NRDC: variants seen among roughly 807,000 people sequenced by gnomAD.
NRDC encodes the protein nardilysin.
Under a neutral mutation model 147.1 loss-of-function variants are expected in NRDC, and 54 were observed. The observed-to-expected ratio is 0.37, with a 90% CI of 0.29 to 0.46. The LOEUF (loss-of-function observed/expected upper bound fraction) is 0.46. Among genes scored for constraint, NRDC ranks in the 20% least tolerant of loss-of-function variants. NRDC has a pLI of 1.00. For synonymous variants in NRDC, 440 were observed against 482.1 expected (o/e 0.91, Z 1.14); for missense variants, 1,082 against 1,370.6 (o/e 0.79, Z 3.33).
chr1:51,870,649 G>T (rs770291197), intron 1 of NRDC, among the ~76,000 whole-genome samples: 3 of 151,952 alleles, frequency 2.0e-5, no homozygotes, highest in Non-Finnish European at 4.4e-5. Context: ...ATCCATACTC[G>T]TTACTTCCTT....
intron 1 of NRDC, among the ~76,000 whole-genome samples, chr1:51,847,854 C>G (rs894123135): frequency 6.6e-6 from 1 of 152,240 alleles, no homozygotes; most frequent in South Asian, 2.1e-4. Context: ...CAAGCACAGC[C>G]AGAGTGGGCA....
At chr1:51,804,250 C>A (rs907822476) in intron 19 of NRDC, among the ~76,000 whole-genome samples, 1 of 152,182 alleles carries the variant, frequency 6.6e-6, no homozygotes, top group African/African-American at 2.4e-5. Flanking sequence ...CAGCACTGGC[C>A]TGAAGGCTCT....
intron 16 of NRDC, among the ~76,000 whole-genome samples, chr1:51,809,686 C>T (rs922240114): frequency 6.6e-6 from 1 of 152,070 alleles, no homozygotes; most frequent in Non-Finnish European, 1.5e-5. Flanking sequence ...CACCTAAGAT[C>T]AGGAGTTCAA....
chr1:51,789,221 G>A lies in NRDC; in HGVS notation c.*15C>T, dbSNP rs897991639. On this transcript the variant is annotated 3_prime_UTR_variant, in exon 31 of 31. Transcript: ENST00000352171. ...AAAATACACATTGCTTCAGGCCAACGTGACTGCAGTTTATTTATTTGACTA... is the reference window on the plus strand; with the variant it reads ...AAAATACACATTGCTTCAGGCCAACATGACTGCAGTTTATTTATTTGACTA... 5.6e-6 allele frequency: 9 copies of A among 1,609,894 alleles called. No individual in the cohort carries two copies. The highest frequency in any genetic ancestry group is 1.7e-4 in the Middle Eastern group (1 of 6,008).
intron 1 of NRDC, among the ~76,000 whole-genome samples, chr1:51,863,653 T>C (rs1298361933): frequency 6.6e-6 from 1 of 152,122 alleles, no homozygotes; most frequent in East Asian, 1.9e-4. Flanking sequence ...CAAAGAAACT[T>C]CCATATTTCA....
At chr1:51,844,808 A>G (rs1571895099) in intron 1 of NRDC, among the ~76,000 whole-genome samples, 1 of 56,304 alleles carries the variant, frequency 1.8e-5, no homozygotes, top group Non-Finnish European at 3.2e-5. Context: ...GGGGGGAGGG[A>G]GGGAGGAAAG....
At chr1:51,818,351 T>C (rs1374122035) in intron 9 of NRDC, among the ~76,000 whole-genome samples, 1 of 152,206 alleles carries the variant, frequency 6.6e-6, no homozygotes, top group Non-Finnish European at 1.5e-5. Flanking sequence ...AAAGCAGGGA[T>C]AAAAGAACTA....
intron 4 of NRDC, among the ~76,000 whole-genome samples, chr1:51,830,688 C>T (rs191937389): frequency 2.0e-5 from 3 of 152,298 alleles, no homozygotes; most frequent in African/African-American, 7.2e-5. Flanking sequence ...TAGAAGTGGA[C>T]ATCCTAAGCT....
chr1:51,798,564 TAACCAAAAAAGTACTGAA>T, intron 21 of NRDC, 153 bp from the exon 22 acceptor site: 1 of 635,260 alleles, frequency 1.6e-6, no homozygotes, highest in Admixed American at 3.2e-5. Flanking sequence ...AGTATCAGAT[TAACCAAAAAAGTACTGAA>T]AACCACATAC....
chr1:51,877,146 C>CCACTGCACTCCAG (rs148377666), intron 1 of NRDC, among the ~76,000 whole-genome samples: 36,966 of 151,520 alleles, frequency 0.24, 5,683 homozygotes, highest in Non-Finnish European at 0.34. Flanking sequence ...CAAGATCGCG[C>CCACTGCACTCCAG]CACTGCACTC....
chr1:51,789,840 C>T (rs1339588483), intron 29 of NRDC, 183 bp from the exon 30 acceptor site: 1 of 594,166 alleles, frequency 1.7e-6, no homozygotes, highest in Non-Finnish European at 3.0e-6. Context: ...CATGCCTTCA[C>T]ATTTTATACC....
Position 51,798,333 on chromosome 1 carries a change from G to A in NRDC, c.2520C>T (p.Ser840=), listed in dbSNP as rs201056194. 2 of 1,614,112 alleles carry A rather than the reference G, an allele frequency of 1.2e-6. No individual in the cohort carries two copies. Among genetic ancestry groups the A allele is most frequent in the Non-Finnish European group, 1.7e-6 (2 of 1,179,980 alleles). ...DKYQALMDGL[S]LESLLSFVKE... ...TGACGAAGCTCAGCAGAGACTCAAG[G>A]GAAAGGCCGTCCATCAAAGCCTGGT... Residue 840 remains serine (S), a synonymous_variant, in exon 22 of 31, where the codon TCC becomes TCT. Transcript: ENST00000352171.
intron 1 of NRDC, among the ~76,000 whole-genome samples, chr1:51,873,765 C>T (rs2124145020): frequency 6.6e-6 from 1 of 151,960 alleles, no homozygotes; most frequent in East Asian, 2.0e-4. Flanking sequence ...CCCACCTCCG[C>T]CTCCCAAAGT....
chr1:51,818,123 C>A lies in NRDC; in HGVS notation c.1304G>T (p.Arg435Ile). Reference sequence around the variant, plus strand: ...TGTGATGGTCAGAGCATGAATTTTTCTGATTGGAACAACTAAACAAAAATA... The same window carrying A: ...TGTGATGGTCAGAGCATGAATTTTTATGATTGGAACAACTAAACAAAAATA... Reference protein sequence around the residue: ...FNKLYRVVPIRKIHALTITWA... With the variant: ...FNKLYRVVPIIKIHALTITWA... Residue 435 changes from arginine (R) to isoleucine (I), a missense_variant, in exon 10 of 31, where the codon AGA becomes ATA. By Grantham distance (97) the Arg-to-Ile change is moderately conservative (BLOSUM62 -3). Coordinates refer to ENST00000352171, the MANE Select transcript of NRDC (RefSeq NM_001101662.2). 1.9e-6 allele frequency: 3 copies of A among 1,602,666 alleles called. No individual in the cohort carries two copies. Among genetic ancestry groups the A allele is most frequent in the Non-Finnish European group, 2.5e-6 (3 of 1,176,600 alleles).
At chr1:51,823,835 A>G in intron 6 of NRDC, 49 bp from the exon 7 acceptor site, 1 of 1,406,816 alleles carries the variant, frequency 7.1e-7, no homozygotes, top group Non-Finnish European at 9.8e-7. Context: ...TAACTTTGTT[A>G]AAAGTCTTCT....
intron 4 of NRDC, among the ~76,000 whole-genome samples, chr1:51,833,440 T>TA (rs34771592): frequency 0.059 from 7,192 of 121,364 alleles, 217 homozygotes; most frequent in Admixed American, 0.092. Flanking sequence ...CCATATCTCT[T>TA]AAAAAAAAAA....
intron 4 of NRDC, among the ~76,000 whole-genome samples, chr1:51,831,569 T>C (rs1487000685): frequency 6.6e-6 from 1 of 151,980 alleles, no homozygotes; most frequent in Non-Finnish European, 1.5e-5. Context: ...ATTGCCTTCA[T>C]TGATTTATCT....
intron 1 of NRDC, among the ~76,000 whole-genome samples, chr1:51,855,270 G>C (rs549341308): frequency 6.6e-6 from 1 of 152,178 alleles, no homozygotes; most frequent in South Asian, 2.1e-4. Flanking sequence ...TAGCTACCTG[G>C]TCCTCTTTGC....
chr1:51,836,581 A>G, intron 2 of NRDC: 2 of 672,764 alleles, frequency 3.0e-6, no homozygotes, highest in Non-Finnish European at 2.6e-6. Flanking sequence ...CTGCGGAAGT[A>G]ACATATCTAG....
Sources: gnomAD v4.1 joint callset for allele counts (sites outside exome capture counted in the v4.1 genomes callset) on GRCh38, gnomAD v4.1.1 for gene constraint, MANE v1.5 for transcripts, NCBI Gene and HGNC (gene_info 2026-07-23, HGNC 2026-07-21) for gene names.